The following SMARCC1 variants were observed in gnomAD, a reference collection of about 807,000 sequenced individuals.
SMARCC1 encodes SWI/SNF complex subunit SMARCC1.
A neutral mutation model predicts 147.4 loss-of-function variants in SMARCC1; 43 were observed. The ratio of observed to expected loss-of-function variants is 0.29; its 90% CI spans 0.23 to 0.38. The LOEUF is 0.38. Ranked by LOEUF, SMARCC1 falls within the 10% of genes least tolerant of loss-of-function variation. The pLI, the probability that SMARCC1 is intolerant of heterozygous loss-of-function variation, is 1.00. For synonymous variants in SMARCC1, 495 were observed against 484.4 expected, an observed-to-expected ratio of 1.02 and a Z score of -0.29; for missense variants, 1,119 against 1,381.1, an observed-to-expected ratio of 0.81 and a Z score of 3.01.
chr3:47,770,151 C>G (rs760965877), intron 2 of SMARCC1, among the ~76,000 whole-genome samples: 23 of 151,776 alleles, frequency 1.5e-4, no homozygotes, highest in Non-Finnish European at 2.4e-4. Flanking sequence ...TGGCATGAAC[C>G]CGGTAGGCAG....
intron 4 of SMARCC1, among the ~76,000 whole-genome samples, chr3:47,736,907 T>C (rs1455335887): frequency 6.6e-6 from 1 of 152,130 alleles, no homozygotes; most frequent in East Asian, 1.9e-4. Context: ...GGAAGGTTAA[T>C]TTAGTGATCA....
At chr3:47,705,346 A>C (rs2033979434) in intron 10 of SMARCC1, among the ~76,000 whole-genome samples, 1 of 130,592 alleles carries the variant, frequency 7.7e-6, no homozygotes. Context: ...AAAAAAAACG[A>C]ACTATAAAAA....
chr3:47,666,098 GACACTGC>G (rs1255937954), intron 19 of SMARCC1, among the ~76,000 whole-genome samples: 1 of 152,064 alleles, frequency 6.6e-6, no homozygotes, highest in African/African-American at 2.4e-5. Context: ...ACATGATCAG[GACACTGC>G]CTACTTCTCC....
chr3:47,707,782 G>C (rs1469684658), intron 9 of SMARCC1, among the ~76,000 whole-genome samples: 1 of 152,154 alleles, frequency 6.6e-6, no homozygotes, highest in Non-Finnish European at 1.5e-5. Context: ...AGAATACTGA[G>C]CCGGGAGGAT....
chr3:47,754,207 CT>C (rs35175630), intron 2 of SMARCC1, among the ~76,000 whole-genome samples: 200 of 144,662 alleles, frequency 1.4e-3, no homozygotes, highest in Middle Eastern at 3.6e-3. Flanking sequence ...GAACTTTACT[CT>C]TTTTTTTTTT....
At chr3:47,735,947 T>C in intron 5 of SMARCC1, 87 bp downstream of exon 5, 1 of 577,064 alleles carries the variant, frequency 1.7e-6, no homozygotes, top group Non-Finnish European at 2.9e-6. Flanking sequence ...ATCCAAAACA[T>C]TACTATGGTT....
intron 10 of SMARCC1, among the ~76,000 whole-genome samples, chr3:47,705,548 A>G (rs1371630102): frequency 6.6e-6 from 1 of 152,120 alleles, no homozygotes; most frequent in African/African-American, 2.4e-5. Flanking sequence ...TGTCATAACT[A>G]CCCTTCAGGA....
At chr3:47,753,712 C>CAAAAAAAAAAAAA (rs71070226) in intron 2 of SMARCC1, among the ~76,000 whole-genome samples, 1 of 69,622 alleles carries the variant, frequency 1.4e-5, no homozygotes, top group Non-Finnish European at 2.6e-5. Context: ...AACTCCATCT[C>CAAAAAAAAAAAAA]AAAAAAAAAA....
At chr3:47,628,897 T>C (rs2032848854) in intron 24 of SMARCC1, among the ~76,000 whole-genome samples, 1 of 152,160 alleles carries the variant, frequency 6.6e-6, no homozygotes, top group South Asian at 2.1e-4. Context: ...CACCTTGAAC[T>C]GAAGTAGAAA....
At position 47,610,211 on chromosome 3, in the gene SMARCC1, G is replaced by C. The variant is rs1275522205; in HGVS notation, c.2898C>G (p.Asn966Lys). The C allele has an allele frequency of 6.2e-7, 1 of 1,614,172 alleles. No individual in the cohort carries two copies. Among genetic ancestry groups the C allele is most frequent in the Non-Finnish European group, 8.5e-7 (1 of 1,180,038 alleles). The change falls in exon 26 of 28, where the codon AAC becomes AAG. Residue 966 changes from asparagine to lysine, a missense_variant. By Grantham distance (94) the Asn-to-Lys change is moderately conservative (BLOSUM62 0). Coordinates refer to ENST00000254480, the MANE Select transcript of SMARCC1 (RefSeq NM_003074.4). ...CTGAGTGCTGGTGTGCCTGTTGAGG[G>C]TTCTGGCCATGCTGCTGCTGTTCCA... ...QQMEQQQHGQ[N>K]PQQAHQHSGG...
intron 11 of SMARCC1, among the ~76,000 whole-genome samples, chr3:47,699,052 C>T (rs1187297605): frequency 6.6e-6 from 1 of 152,024 alleles, no homozygotes; most frequent in African/African-American, 2.4e-5. Flanking sequence ...GGGTCACAGA[C>T]CTAACTATAA....
rs532607904 is a variant in SMARCC1 at position 47,776,595 on chromosome 3, T to C, written c.196-3659A>G. 5.1e-4 allele frequency among the ~76,000 whole-genome samples: 77 copies of C among 152,240 alleles called. No homozygotes were observed. In the South Asian group the frequency reaches 0.014, roughly 27 times the overall value. On this transcript the variant is annotated intron_variant, in intron 1 of 27. Transcript: ENST00000254480. ...TCCAGCCTGGGTGACCCAGTGAGACTGTCTCAAAAATAATAACTACAATCT... is the reference window on the plus strand; with the variant it reads ...TCCAGCCTGGGTGACCCAGTGAGACCGTCTCAAAAATAATAACTACAATCT...
chr3:47,652,936 C>T (rs2033208755), intron 21 of SMARCC1, among the ~76,000 whole-genome samples: 1 of 149,452 alleles, frequency 6.7e-6, no homozygotes, highest in African/African-American at 2.4e-5. Flanking sequence ...GAGTGTTCAT[C>T]CAGCTTTACT....
At chr3:47,610,817 C>T (rs2032554163) in intron 25 of SMARCC1, 1 of 163,336 alleles carries the variant, frequency 6.1e-6, no homozygotes. Context: ...TAGAACATAA[C>T]ACCAGAGTTA....
intron 13 of SMARCC1, among the ~76,000 whole-genome samples, chr3:47,688,257 T>A (rs2033752273): frequency 6.6e-6 from 1 of 150,878 alleles, no homozygotes; most frequent in Non-Finnish European, 1.5e-5. Context: ...CGAAACTCCA[T>A]CTCAAAAAAC....
intron 17 of SMARCC1, 46 bp from the exon 18 acceptor site, chr3:47,675,634 C>T (rs772579553): frequency 1.9e-6 from 2 of 1,036,316 alleles, no homozygotes; most frequent in South Asian, 2.6e-5. Flanking sequence ...TCTTTAAAGT[C>T]AAGAGGGTAA....
chr3:47,633,779 T>TACAC (rs149363143), intron 24 of SMARCC1, among the ~76,000 whole-genome samples: 492 of 28,748 alleles, frequency 0.017, 36 homozygotes, highest in Admixed American at 0.068. Context: ...TATATATATA[T>TACAC]ACACACACAC....
chr3:47,775,178 T>G (rs1399870458), intron 1 of SMARCC1, among the ~76,000 whole-genome samples: 1 of 151,372 alleles, frequency 6.6e-6, no homozygotes, highest in Non-Finnish European at 1.5e-5. Flanking sequence ...TTTTTTTTTT[T>G]TTGAGACAGT....
chr3:47,626,058 GAGGA>G (rs2032804480), intron 24 of SMARCC1, among the ~76,000 whole-genome samples: 1 of 152,142 alleles, frequency 6.6e-6, no homozygotes, highest in Admixed American at 6.5e-5. Flanking sequence ...GGAGGCTGAG[GAGGA>G]AGGATCACGT....
Sources: allele counts gnomAD v4.1 joint callset (sites outside exome capture counted in the v4.1 genomes callset), GRCh38; gene constraint gnomAD v4.1.1; transcripts MANE v1.5; gene names NCBI Gene and HGNC (gene_info 2026-07-23, HGNC 2026-07-21).